Variants in HIBADH observed in about 807,000 individuals in gnomAD.
HIBADH encodes 3-hydroxyisobutyrate dehydrogenase, mitochondrial.
A neutral mutation model predicts 36.1 loss-of-function variants in HIBADH; 25 were observed. The ratio of observed to expected loss-of-function variants is 0.69; its 90% confidence interval spans 0.50 to 0.97. The LOEUF is 0.97. Among genes scored for constraint, HIBADH ranks in the 50% least tolerant of loss-of-function variants. The pLI, the probability that HIBADH is intolerant of heterozygous loss-of-function variation, is 0.00. For missense variants in HIBADH, 421 were observed against 418.0 expected, an observed-to-expected ratio of 1.01 and a Z score of -0.06; for synonymous variants, 160 against 149.5, an observed-to-expected ratio of 1.07 and a Z score of -0.51.
intron 4 of HIBADH, among the ~76,000 whole-genome samples, chr7:27,604,113 T>C (rs1188639115): frequency 6.6e-6 from 1 of 152,164 alleles, no homozygotes; most frequent in African/African-American, 2.4e-5. Flanking sequence ...CCAACTGAAA[T>C]GAGAGAATCC....
At chr7:27,563,146 T>C (rs950649312) in intron 4 of HIBADH, among the ~76,000 whole-genome samples, 1 of 152,222 alleles carries the variant, frequency 6.6e-6, no homozygotes, top group South Asian at 2.1e-4. Flanking sequence ...CAGGATGTTA[T>C]ATGAACATAA....
At chr7:27,620,992 A>G (rs1310033014) in intron 4 of HIBADH, among the ~76,000 whole-genome samples, 1 of 152,118 alleles carries the variant, frequency 6.6e-6, no homozygotes, top group Non-Finnish European at 1.5e-5. Context: ...AACTCACCTC[A>G]CTAATAAGGA....
At chr7:27,554,626 A>C (rs553914915) in intron 4 of HIBADH, among the ~76,000 whole-genome samples, 1 of 152,312 alleles carries the variant, frequency 6.6e-6, no homozygotes, top group African/African-American at 2.4e-5. Context: ...GATTATTCAC[A>C]TGAGTTCTGT....
chr7:27,560,582 CTTT>C, intron 4 of HIBADH, among the ~76,000 whole-genome samples: 1 of 152,236 alleles, frequency 6.6e-6, no homozygotes, highest in South Asian at 2.1e-4. Flanking sequence ...GTTGTTTCTT[CTTT>C]TATTGTTAGC....
At chr7:27,608,727 C>T (rs998504847) in intron 4 of HIBADH, among the ~76,000 whole-genome samples, 3 of 152,150 alleles carry the variant, frequency 2.0e-5, no homozygotes, top group African/African-American at 4.8e-5. Context: ...ATAAATTGTA[C>T]ATAAGTAATA....
Position 27,630,018 on chromosome 7 carries a change from T to C in HIBADH, c.363-526A>G, listed in dbSNP as rs544806793. Among the ~76,000 whole-genome samples, 3 of 152,220 alleles carry C rather than the reference T, an allele frequency of 2.0e-5. No individual in the cohort carries two copies. In the South Asian group the frequency reaches 6.2e-4, roughly 32 times the overall value. ...GTTGGGATGGCATATTATTTTATAA[T>C]TGTAACTTTAATGACAAAATAAAAT... On this transcript the variant is annotated intron_variant, in intron 3 of 7. Coordinates refer to ENST00000265395, the MANE Select transcript of HIBADH (RefSeq NM_152740.4).
intron 1 of HIBADH, among the ~76,000 whole-genome samples, chr7:27,661,765 A>G (rs1355900197): frequency 6.6e-6 from 1 of 152,140 alleles, no homozygotes; most frequent in African/African-American, 2.4e-5. Flanking sequence ...AGTTTGAGGA[A>G]GACAACGGCA....
Position 27,576,172 on chromosome 7 carries a change from G to A in HIBADH, c.485-33072C>T, listed in dbSNP as rs183452518. Among the ~76,000 whole-genome samples, 217 of 152,278 alleles carry A rather than the reference G, an allele frequency of 1.4e-3. 4 individuals are homozygous for A. The highest frequency in any genetic ancestry group is 2.5e-3 in the Non-Finnish European group (173 of 68,008). On this transcript the variant is annotated intron_variant, in intron 4 of 7. Transcript: ENST00000265395. ...AGGAAGACAAGACATGAGGGAGGAG[G>A]AGGAACTGATCATAACCATTACACC...
chr7:27,607,888 G>A (rs1333651250), intron 4 of HIBADH, among the ~76,000 whole-genome samples: 1 of 152,094 alleles, frequency 6.6e-6, no homozygotes, highest in Non-Finnish European at 1.5e-5. Context: ...AACTATTTCA[G>A]TGTCTGCCAA....
At chr7:27,653,246 C>T (rs1281307686) in intron 1 of HIBADH, among the ~76,000 whole-genome samples, 1 of 152,142 alleles carries the variant, frequency 6.6e-6, no homozygotes, top group African/African-American at 2.4e-5. Context: ...GGTATAAAAA[C>T]TATTTCAAAG....
rs140346801 is a variant in HIBADH at position 27,571,752 on chromosome 7, G to C, written c.485-28652C>G. On this transcript the variant is annotated intron_variant, in intron 4 of 7. Coordinates refer to ENST00000265395, the MANE Select transcript of HIBADH (RefSeq NM_152740.4). ...GATTAAGGATGATTTTCTCCAGAAA[G>C]AATTTTTATTCTTCTATGGATGACA... Among the ~76,000 whole-genome samples, 541 of 152,198 alleles carry C rather than the reference G, an allele frequency of 3.6e-3. 5 individuals are homozygous for C. Among genetic ancestry groups the C allele is most frequent in the African/African-American group, 0.013 (522 of 41,512 alleles).
At chr7:27,616,543 C>T (rs1288646760) in intron 4 of HIBADH, among the ~76,000 whole-genome samples, 4 of 151,986 alleles carry the variant, frequency 2.6e-5, no homozygotes, top group Non-Finnish European at 5.9e-5. Flanking sequence ...CTCACTGCAC[C>T]CTCAATCTTC....
At chr7:27,614,383 T>G (rs918241417) in intron 4 of HIBADH, among the ~76,000 whole-genome samples, 2 of 152,188 alleles carry the variant, frequency 1.3e-5, no homozygotes, top group African/African-American at 4.8e-5. Context: ...AATCTGGAGA[T>G]AACCTGGAGG....
chr7:27,596,150 T>C (rs2128289631), intron 4 of HIBADH, among the ~76,000 whole-genome samples: 1 of 152,302 alleles, frequency 6.6e-6, no homozygotes, highest in South Asian at 2.1e-4. Context: ...GCAGGTCTGT[T>C]GTCTGGTGAG....
At chr7:27,639,589 A>T (rs888293069) in intron 2 of HIBADH, among the ~76,000 whole-genome samples, 1 of 152,164 alleles carries the variant, frequency 6.6e-6, no homozygotes, top group African/African-American at 2.4e-5. Context: ...CCGAACCTAA[A>T]AGTTAAAAAA....
intron 2 of HIBADH, among the ~76,000 whole-genome samples, chr7:27,642,345 T>C (rs557529746): frequency 6.6e-6 from 1 of 152,228 alleles, no homozygotes; most frequent in Non-Finnish European, 1.5e-5. Context: ...TCCTCAAAAA[T>C]TGCCTTAGCA....
intron 4 of HIBADH, among the ~76,000 whole-genome samples, chr7:27,543,976 C>T (rs983472529): frequency 2.6e-5 from 4 of 152,038 alleles, no homozygotes; most frequent in Non-Finnish European, 5.9e-5. Flanking sequence ...AAACCAAGAG[C>T]GCTATTACTG....
intron 4 of HIBADH, among the ~76,000 whole-genome samples, chr7:27,578,496 T>C (rs1436458473): frequency 6.6e-6 from 1 of 152,084 alleles, no homozygotes; most frequent in Non-Finnish European, 1.5e-5. Context: ...TTTTGTATTT[T>C]AGTAGAGACA....
chr7:27,632,278 CAT>C, intron 3 of HIBADH, 56 bp downstream of exon 3: 2 of 1,091,548 alleles, frequency 1.8e-6, no homozygotes. Context: ...ATAGTTCTAA[CAT>C]GTGAAATTCA....
Sources: gnomAD v4.1 joint callset for allele counts (sites outside exome capture counted in the v4.1 genomes callset) on GRCh38, gnomAD v4.1.1 for gene constraint, MANE v1.5 for transcripts, NCBI Gene and HGNC (gene_info 2026-07-23, HGNC 2026-07-21) for gene names.